EBF1: variants seen among roughly 807,000 people sequenced by gnomAD.
The protein encoded by EBF1 is EBF transcription factor 1.
A neutral mutation model predicts 68.4 loss-of-function variants in EBF1; 10 were observed. The ratio of observed to expected loss-of-function variants is 0.15; its 90% CI spans 0.09 to 0.25. EBF1 has a LOEUF of 0.25. Ranked by LOEUF, EBF1 falls within the 10% of genes least tolerant of loss-of-function variation. The pLI, the probability that EBF1 is intolerant of heterozygous loss-of-function variation, is 1.00. For synonymous variants in EBF1, 298 were observed against 299.8 expected (o/e 0.99, Z 0.06); for missense variants, 509 against 794.4 (o/e 0.64, Z 4.32).
chr5:158,866,632 G>A (rs921624316), intron 6 of EBF1, among the ~76,000 whole-genome samples: 3 of 151,518 alleles, frequency 2.0e-5, no homozygotes, highest in East Asian at 1.9e-4. Context: ...TATTTCACAC[G>A]TCACTTTTAA....
chr5:158,768,174 A>G (rs2127643093), intron 10 of EBF1, among the ~76,000 whole-genome samples: 1 of 152,232 alleles, frequency 6.6e-6, no homozygotes, highest in East Asian at 1.9e-4. Context: ...ATCCAGGTGT[A>G]GGACTTATTG....
At chr5:158,817,272 C>T (rs1783948756) in intron 8 of EBF1, among the ~76,000 whole-genome samples, 1 of 152,000 alleles carries the variant, frequency 6.6e-6, no homozygotes, top group Non-Finnish European at 1.5e-5. Context: ...TTGCCTAGTG[C>T]TATGGTTTGA....
intron 6 of EBF1, among the ~76,000 whole-genome samples, chr5:158,908,233 C>T (rs1366732471): frequency 6.6e-6 from 1 of 152,190 alleles, no homozygotes; most frequent in African/African-American, 2.4e-5. Context: ...GGTGTACACA[C>T]CCATACATGC....
At chr5:158,832,614 C>T (rs772568860) in intron 7 of EBF1, among the ~76,000 whole-genome samples, 3 of 152,078 alleles carry the variant, frequency 2.0e-5, no homozygotes, top group Admixed American at 6.5e-5. Context: ...GGCTGGGAGT[C>T]GGTGGAGGAG....
At chr5:158,933,223 CA>C (rs531610270) in intron 6 of EBF1, among the ~76,000 whole-genome samples, 3,641 of 141,136 alleles carry the variant, frequency 0.026, 139 homozygotes, top group African/African-American at 0.087. Context: ...GACTGTTTTT[CA>C]AAAAAAAAAA....
intron 1 of EBF1, among the ~76,000 whole-genome samples, 184 bp from the exon 2 acceptor site, chr5:159,097,314 C>T (rs1202809560): frequency 6.6e-6 from 1 of 152,262 alleles, no homozygotes. Flanking sequence ...CATGTCCCCT[C>T]ATGTCCTCGT....
intron 8 of EBF1, among the ~76,000 whole-genome samples, chr5:158,821,163 C>T (rs1302150864): frequency 6.6e-6 from 1 of 152,066 alleles, no homozygotes; most frequent in Non-Finnish European, 1.5e-5. Flanking sequence ...TTTAAACTCT[C>T]CTACAGATCA....
At chr5:158,839,952 C>A in intron 7 of EBF1, 77 bp downstream of exon 7, 1 of 1,441,466 alleles carries the variant, frequency 6.9e-7, no homozygotes, top group Non-Finnish European at 9.7e-7. Flanking sequence ...AGCTACGTAT[C>A]TTCTGCCTAA....
intron 10 of EBF1, among the ~76,000 whole-genome samples, chr5:158,758,661 TTTC>T (rs1364170152): frequency 1.3e-5 from 2 of 152,214 alleles, no homozygotes; most frequent in Non-Finnish European, 2.9e-5. Flanking sequence ...TGCTTGCCAC[TTTC>T]TTTTCATTAT....
At chr5:159,041,904 G>A (rs1252869072) in intron 6 of EBF1, among the ~76,000 whole-genome samples, 1 of 152,184 alleles carries the variant, frequency 6.6e-6, no homozygotes, top group Admixed American at 6.6e-5. Context: ...GCCATGACGA[G>A]ATTTAACTAC....
intron 8 of EBF1, among the ~76,000 whole-genome samples, chr5:158,803,421 C>T (rs1780990839): frequency 6.7e-6 from 1 of 149,554 alleles, no homozygotes; most frequent in Non-Finnish European, 1.5e-5. Flanking sequence ...CTACAACCTG[C>T]CTTCTTTGAT....
intron 10 of EBF1, among the ~76,000 whole-genome samples, chr5:158,776,550 G>T (rs1482667635): frequency 6.6e-6 from 1 of 152,114 alleles, no homozygotes; most frequent in Admixed American, 6.6e-5. Context: ...GTCTTTTACT[G>T]AATGGAAAAG....
At chr5:158,761,155 T>C (rs956363132) in intron 10 of EBF1, among the ~76,000 whole-genome samples, 10 of 152,194 alleles carry the variant, frequency 6.6e-5, no homozygotes, top group African/African-American at 2.4e-4. Flanking sequence ...ATGCTTTTTC[T>C]CCCCTCAGTT....
At chr5:158,969,363 G>A (rs1224060730) in intron 6 of EBF1, among the ~76,000 whole-genome samples, 1 of 152,142 alleles carries the variant, frequency 6.6e-6, no homozygotes. Context: ...AGACTTTCAG[G>A]AATCTTAATT....
At chr5:158,764,217 C>T (rs1180475773) in intron 10 of EBF1, among the ~76,000 whole-genome samples, 1 of 152,128 alleles carries the variant, frequency 6.6e-6, no homozygotes, top group Admixed American at 6.5e-5. Context: ...CATACAGTTT[C>T]TTTATAACTA....
intron 6 of EBF1, among the ~76,000 whole-genome samples, chr5:158,859,461 A>G (rs1794617776): frequency 6.6e-6 from 1 of 152,076 alleles, no homozygotes; most frequent in African/African-American, 2.4e-5. Context: ...CTTTCTTACA[A>G]TTCTGAGGTC....
chr5:158,945,227 C>T (rs1290011798), intron 6 of EBF1, among the ~76,000 whole-genome samples: 1 of 152,136 alleles, frequency 6.6e-6, no homozygotes, highest in African/African-American at 2.4e-5. Flanking sequence ...AATCTTTAAT[C>T]CATCTTGAGT....
intron 6 of EBF1, among the ~76,000 whole-genome samples, chr5:158,981,515 A>G (rs1484005743): frequency 2.0e-5 from 3 of 152,212 alleles, no homozygotes; most frequent in African/African-American, 4.8e-5. Context: ...AAACAAACAC[A>G]TAAATTAGTG....
chr5:159,086,509 A>C (rs1054290833), intron 4 of EBF1, among the ~76,000 whole-genome samples: 8 of 152,176 alleles, frequency 5.3e-5, no homozygotes, highest in Admixed American at 5.2e-4. Flanking sequence ...ATTTTTGAAG[A>C]ACACAAGCCA....
Sources: allele counts gnomAD v4.1 joint callset (sites outside exome capture counted in the v4.1 genomes callset), GRCh38; gene constraint gnomAD v4.1.1; transcripts MANE v1.5; gene names NCBI Gene and HGNC (gene_info 2026-07-23, HGNC 2026-07-21).